Variants in TMEM178B observed in about 807,000 individuals in gnomAD.
TMEM178B encodes transmembrane protein 178B.
A neutral mutation model predicts 31.0 loss-of-function variants in TMEM178B; 5 were observed. That is an observed-to-expected ratio of 0.16 (90% CI 0.08 to 0.34). The LOEUF is 0.34. TMEM178B is among the 10% of genes least tolerant of loss of function. TMEM178B has a pLI of 1.00. For missense variants in TMEM178B, 275 were observed against 400.3 expected (o/e 0.69, Z 2.67); for synonymous variants, 164 against 164.0 (o/e 1.00, Z 0.00).
intron 2 of TMEM178B, among the ~76,000 whole-genome samples, chr7:141,225,181 A>G (rs946183676): frequency 6.6e-6 from 1 of 152,116 alleles, no homozygotes; most frequent in African/African-American, 2.4e-5. Flanking sequence ...TGCAAAATTC[A>G]TGCTCTTTCC....
chr7:141,116,661 C>A (rs902184559), intron 1 of TMEM178B, among the ~76,000 whole-genome samples: 1 of 152,036 alleles, frequency 6.6e-6, no homozygotes, highest in Non-Finnish European at 1.5e-5. Context: ...TGCTATCCCT[C>A]CCCTAGACCC....
chr7:141,302,483 A>G (rs1034596891), intron 2 of TMEM178B, among the ~76,000 whole-genome samples: 1 of 152,212 alleles, frequency 6.6e-6, no homozygotes, highest in African/African-American at 2.4e-5. Flanking sequence ...GGTAGTTGCC[A>G]TTGGCTGGGG....
intron 2 of TMEM178B, among the ~76,000 whole-genome samples, chr7:141,421,848 T>C (rs1801216109): frequency 6.6e-6 from 1 of 152,104 alleles, no homozygotes; most frequent in South Asian, 2.1e-4. Flanking sequence ...CTTTTTTTTT[T>C]TTCTCACTAC....
intron 2 of TMEM178B, among the ~76,000 whole-genome samples, chr7:141,339,957 T>C (rs972290053): frequency 1.3e-5 from 2 of 152,228 alleles, no homozygotes; most frequent in Non-Finnish European, 2.9e-5. Flanking sequence ...AATTAAAACA[T>C]GATTGTTAGG....
intron 2 of TMEM178B, among the ~76,000 whole-genome samples, chr7:141,347,050 G>A (rs1799632351): frequency 6.6e-6 from 1 of 152,116 alleles, no homozygotes; most frequent in South Asian, 2.1e-4. Context: ...ATCATGTGAA[G>A]AAGGCCCTTG....
chr7:141,109,176 C>T (rs1311427629), intron 1 of TMEM178B, among the ~76,000 whole-genome samples: 1 of 152,080 alleles, frequency 6.6e-6, no homozygotes, highest in Non-Finnish European at 1.5e-5. Flanking sequence ...AGAGCCAAAC[C>T]ATATCAAGGA....
intron 2 of TMEM178B, among the ~76,000 whole-genome samples, chr7:141,215,878 T>C (rs1044066720): frequency 1.5e-5 from 2 of 135,580 alleles, no homozygotes; most frequent in African/African-American, 5.2e-5. Flanking sequence ...TTTTCCTCCT[T>C]CCTTCCTTCC....
chr7:141,129,330 A>G (rs1200920261), intron 1 of TMEM178B, among the ~76,000 whole-genome samples: 1 of 152,228 alleles, frequency 6.6e-6, no homozygotes, highest in Non-Finnish European at 1.5e-5. Context: ...ATATTCCCAT[A>G]GGTACATCTT....
the TMEM178B span, among the ~76,000 whole-genome samples, chr7:141,499,337 G>A: frequency 3.3e-5 from 5 of 151,884 alleles, no homozygotes; most frequent in South Asian, 2.1e-4. Context: ...GGATAAAAAC[G>A]GAAAAGACGG....
At chr7:141,405,610 A>C (rs976163822) in intron 2 of TMEM178B, among the ~76,000 whole-genome samples, 1 of 152,204 alleles carries the variant, frequency 6.6e-6, no homozygotes, top group African/African-American at 2.4e-5. Flanking sequence ...TGTCCTCCCC[A>C]CATCATACAC....
intron 2 of TMEM178B, among the ~76,000 whole-genome samples, chr7:141,421,136 A>G (rs891344500): frequency 6.6e-6 from 1 of 152,124 alleles, no homozygotes; most frequent in African/African-American, 2.4e-5. Flanking sequence ...CTGCCCTCCT[A>G]TGCAATGGGC....
chr7:141,253,544 CTTTTTTTTTTTTT>C (rs34199017), intron 2 of TMEM178B, among the ~76,000 whole-genome samples: 1 of 70,032 alleles, frequency 1.4e-5, no homozygotes. Context: ...ATTTTCCCTT[CTTTTTTTTTTTTT>C]TTTTTTTTTT....
intron 2 of TMEM178B, among the ~76,000 whole-genome samples, chr7:141,215,255 G>A (rs1331787678): frequency 6.6e-6 from 1 of 151,944 alleles, no homozygotes; most frequent in African/African-American, 2.4e-5. Flanking sequence ...CTTGGTTTGA[G>A]AGTCCTGCAC....
chr7:141,337,020 C>T (rs1329534571), intron 2 of TMEM178B, among the ~76,000 whole-genome samples: 1 of 85,994 alleles, frequency 1.2e-5, no homozygotes, highest in Non-Finnish European at 2.2e-5. Context: ...ACCACCATCA[C>T]CACCATCACC....
At chr7:141,219,632 CG>C (rs1797222561) in intron 2 of TMEM178B, among the ~76,000 whole-genome samples, 2 of 152,126 alleles carry the variant, frequency 1.3e-5, no homozygotes, top group African/African-American at 4.8e-5. Flanking sequence ...TGCCCCAACC[CG>C]GCCCCTGCAG....
intron 2 of TMEM178B, among the ~76,000 whole-genome samples, chr7:141,256,469 G>T (rs1797930002): frequency 6.6e-6 from 1 of 152,220 alleles, no homozygotes; most frequent in Non-Finnish European, 1.5e-5. Context: ...TAACTCAGGA[G>T]ACCAGAGTGG....
At chr7:141,439,546 T>C (rs1200262639) in intron 3 of TMEM178B, among the ~76,000 whole-genome samples, 2 of 152,308 alleles carry the variant, frequency 1.3e-5, no homozygotes, top group African/African-American at 2.4e-5. Flanking sequence ...TTTTTGGTTT[T>C]CCTTTTGCAA....
At chr7:141,481,651 A>C (rs1802477492), downstream of TMEM178B, among the ~76,000 whole-genome samples, 1 of 152,202 alleles carries the variant, frequency 6.6e-6, no homozygotes, top group Non-Finnish European at 1.5e-5. Flanking sequence ...GAGACAGTAA[A>C]GCATTTAAAA....
chr7:141,284,338 C>T (rs193223530), intron 2 of TMEM178B, among the ~76,000 whole-genome samples: 132 of 152,174 alleles, frequency 8.7e-4, no homozygotes, highest in Non-Finnish European at 1.9e-4. Context: ...TTGATATCAC[C>T]AGTTTTGTTG....
Sources: allele counts gnomAD v4.1 joint callset (sites outside exome capture counted in the v4.1 genomes callset), GRCh38; gene constraint gnomAD v4.1.1; transcripts MANE v1.5; gene names NCBI Gene and HGNC (gene_info 2026-07-23, HGNC 2026-07-21).